The following PLD5 variants were observed in gnomAD, a reference collection of about 807,000 sequenced individuals.
PLD5 encodes the protein inactive phospholipase D5.
A neutral mutation model predicts 61.1 loss-of-function variants in PLD5; 36 were observed. That is an observed-to-expected ratio of 0.59 (90% CI 0.45 to 0.78). The LOEUF is 0.78. PLD5 is among the 30% of genes least tolerant of loss of function. PLD5 has a pLI of 0.00. For synonymous variants in PLD5, 243 were observed against 242.8 expected (o/e 1.00, Z -0.01); for missense variants, 515 against 644.4 (o/e 0.80, Z 2.17).
chr1:242,465,744 T>C (rs1667258510), intron 1 of PLD5, among the ~76,000 whole-genome samples: 1 of 152,114 alleles, frequency 6.6e-6, no homozygotes, highest in African/African-American at 2.4e-5. Flanking sequence ...CTGGCCAAGA[T>C]GGCGAAACCC....
intron 1 of PLD5, among the ~76,000 whole-genome samples, chr1:242,515,291 C>T (rs1218263589): frequency 2.0e-5 from 3 of 152,122 alleles, no homozygotes; most frequent in African/African-American, 7.2e-5. Context: ...TGGCTCACTG[C>T]AACCTCCACC....
chr1:242,405,715 C>T (rs1483958568), intron 1 of PLD5, among the ~76,000 whole-genome samples: 2 of 152,046 alleles, frequency 1.3e-5, no homozygotes, highest in African/African-American at 4.8e-5. Context: ...AATTCTCCTG[C>T]CTCAGCCTCC....
At chr1:242,210,148 C>A (rs749469410) in intron 5 of PLD5, among the ~76,000 whole-genome samples, 2 of 152,166 alleles carry the variant, frequency 1.3e-5, no homozygotes, top group Non-Finnish European at 2.9e-5. Context: ...GTGAGAAAGG[C>A]ATGTAGAAAG....
At chr1:242,355,542 T>C (rs1660707507) in intron 1 of PLD5, among the ~76,000 whole-genome samples, 2 of 152,054 alleles carry the variant, frequency 1.3e-5, no homozygotes, top group South Asian at 2.1e-4. Flanking sequence ...ATTTTTCAAA[T>C]AACCACTCTT....
intron 4 of PLD5, among the ~76,000 whole-genome samples, chr1:242,231,153 T>C (rs959256248): frequency 5.3e-5 from 8 of 152,338 alleles, no homozygotes; most frequent in Middle Eastern, 3.4e-3. Flanking sequence ...GGCTCATTAG[T>C]TCTATTAAAA....
intron 5 of PLD5, among the ~76,000 whole-genome samples, chr1:242,191,518 G>A (rs184686173): frequency 6.6e-6 from 1 of 151,508 alleles, no homozygotes; most frequent in Non-Finnish European, 1.5e-5. Context: ...CCCAGGACGG[G>A]GAAGTTGCAG....
At chr1:242,437,828 A>C (rs1666072714) in intron 1 of PLD5, among the ~76,000 whole-genome samples, 1 of 152,244 alleles carries the variant, frequency 6.6e-6, no homozygotes, top group Admixed American at 6.5e-5. Flanking sequence ...AAACAAACTG[A>C]GGCACACAGA....
intron 2 of PLD5, among the ~76,000 whole-genome samples, chr1:242,321,011 A>T (rs1658362494): frequency 6.6e-6 from 1 of 152,336 alleles, no homozygotes; most frequent in African/African-American, 2.4e-5. Flanking sequence ...TCTGCTAACT[A>T]TTTGCAGTAG....
intron 4 of PLD5, among the ~76,000 whole-genome samples, chr1:242,234,079 A>G (rs1335964212): frequency 6.6e-6 from 1 of 152,166 alleles, no homozygotes; most frequent in African/African-American, 2.4e-5. Context: ...ATGTTAACGC[A>G]TTTGTTCCTT....
At chr1:242,270,581 C>G (rs1574644431) in intron 3 of PLD5, among the ~76,000 whole-genome samples, 1 of 152,332 alleles carries the variant, frequency 6.6e-6, no homozygotes, top group East Asian at 1.9e-4. Context: ...CCATTCCCAG[C>G]TACGGTCTAA....
intron 1 of PLD5, among the ~76,000 whole-genome samples, chr1:242,391,272 C>T (rs1004098017): frequency 1.6e-4 from 25 of 152,088 alleles, no homozygotes; most frequent in African/African-American, 6.0e-4. Context: ...GGAGGAGGGT[C>T]TGGGGCAATG....
intron 5 of PLD5, among the ~76,000 whole-genome samples, chr1:242,158,852 C>G (rs1309024333): frequency 6.6e-6 from 1 of 152,142 alleles, no homozygotes; most frequent in Non-Finnish European, 1.5e-5. Context: ...ATTCTTCCCT[C>G]AACTGTGCCC....
intron 1 of PLD5, among the ~76,000 whole-genome samples, chr1:242,457,655 C>T (rs111666989): frequency 0.035 from 5,398 of 152,190 alleles, 307 homozygotes; most frequent in African/African-American, 0.11. Context: ...ACAACTAACA[C>T]ACCCAATCAT....
chr1:242,114,673 C>T (rs906596883), intron 6 of PLD5, among the ~76,000 whole-genome samples: 2 of 152,078 alleles, frequency 1.3e-5, no homozygotes, highest in Non-Finnish European at 2.9e-5. Flanking sequence ...CTCATAGGGG[C>T]GTGAGCCCTA....
chr1:242,186,896 T>C (rs1180407268), intron 5 of PLD5, among the ~76,000 whole-genome samples: 1 of 152,236 alleles, frequency 6.6e-6, no homozygotes, highest in African/African-American at 2.4e-5. Flanking sequence ...CTCATCCACT[T>C]ATTAAAATGA....
intron 1 of PLD5, among the ~76,000 whole-genome samples, chr1:242,441,222 G>T (rs1267094798): frequency 2.0e-5 from 3 of 152,150 alleles, no homozygotes; most frequent in Non-Finnish European, 4.4e-5. Flanking sequence ...TAAAATAGTA[G>T]TAAGTGCTAT....
intron 1 of PLD5, among the ~76,000 whole-genome samples, chr1:242,514,590 T>A (rs550983539): frequency 2.0e-5 from 3 of 150,360 alleles, no homozygotes; most frequent in African/African-American, 7.4e-5. Flanking sequence ...AGACCTAAAA[T>A]AAAAGTTGAA....
intron 2 of PLD5, among the ~76,000 whole-genome samples, chr1:242,342,294 G>A (rs530340092): frequency 3.9e-4 from 59 of 152,248 alleles, no homozygotes; most frequent in African/African-American, 1.0e-3. Context: ...CTGTGTGGGC[G>A]GAAGGGAAGA....
chr1:242,386,664 C>T (rs1481647058), intron 1 of PLD5, among the ~76,000 whole-genome samples: 3 of 152,104 alleles, frequency 2.0e-5, no homozygotes, highest in African/African-American at 7.2e-5. Flanking sequence ...CAGAACTTCT[C>T]TAGAACAGGC....
Sources: allele counts gnomAD v4.1 joint callset (sites outside exome capture counted in the v4.1 genomes callset), GRCh38; gene constraint gnomAD v4.1.1; transcripts MANE v1.5; gene names NCBI Gene and HGNC (gene_info 2026-07-23, HGNC 2026-07-21).